TMOD1: variants seen among roughly 807,000 people sequenced by gnomAD.
TMOD1 encodes the protein tropomodulin 1, also known as tropomodulin-1.
TMOD1 carries 17 observed loss-of-function variants against 40.6 expected under a neutral mutation model. The ratio of observed to expected loss-of-function variants is 0.42; its 90% CI spans 0.29 to 0.63. The LOEUF is 0.63. Among genes scored for constraint, TMOD1 ranks in the 20% least tolerant of loss-of-function variants. The pLI, the probability that TMOD1 is intolerant of heterozygous loss-of-function variation, is 0.22. For synonymous variants in TMOD1, 181 were observed against 175.0 expected, an observed-to-expected ratio of 1.03 and a Z score of -0.27; for missense variants, 391 against 447.6, an observed-to-expected ratio of 0.87 and a Z score of 1.14.
At chr9:97,595,444 A>G (rs1826089973) in intron 9 of TMOD1, among the ~76,000 whole-genome samples, 1 of 151,798 alleles carries the variant, frequency 6.6e-6, no homozygotes, top group Non-Finnish European at 1.5e-5. Context: ...TTTAGATTCC[A>G]CATATAATTT....
At chr9:97,533,874 C>A (rs1018412395) in intron 2 of TMOD1, among the ~76,000 whole-genome samples, 3 of 152,174 alleles carry the variant, frequency 2.0e-5, no homozygotes, top group Admixed American at 6.5e-5. Flanking sequence ...AAGTAAAAGT[C>A]CACAGGTAGG....
At chr9:97,562,524 CA>C (rs1401714083) in intron 4 of TMOD1, among the ~76,000 whole-genome samples, 2 of 152,160 alleles carry the variant, frequency 1.3e-5, no homozygotes, top group Non-Finnish European at 2.9e-5. Flanking sequence ...AATCAGAGGC[CA>C]GGGGCAGAGC....
chr9:97,552,022 T>C (rs1830461781), intron 3 of TMOD1, among the ~76,000 whole-genome samples: 3 of 152,246 alleles, frequency 2.0e-5, no homozygotes, highest in Admixed American at 2.0e-4. Flanking sequence ...TTTTTGTATG[T>C]TGATCTTGTA....
In TMOD1 at chr9:97,530,634, C is replaced by T. The variant is rs1830082615; in HGVS notation, c.120+6326C>T. 2.0e-5 allele frequency among the ~76,000 whole-genome samples: 3 copies of T among 151,792 alleles called. No homozygotes were observed. The South Asian group carries it at 6.3e-4, about 32-fold the overall frequency. On this transcript the variant is annotated intron_variant, in intron 2 of 9. Transcript: ENST00000259365. ...TCCCGAGTAGCTGGGACTACAGGCG[C>T]CCGCCACCATGCCTGGCTAATTGTT...
chr9:97,575,713 G>T (rs1434173854), intron 8 of TMOD1, among the ~76,000 whole-genome samples: 1 of 152,142 alleles, frequency 6.6e-6, no homozygotes, highest in African/African-American at 2.4e-5. Flanking sequence ...TTCCTGTTGC[G>T]TCTGGCCAGA....
intron 1 of TMOD1, among the ~76,000 whole-genome samples, chr9:97,504,930 G>A (rs1364091514): frequency 1.3e-5 from 2 of 152,140 alleles, no homozygotes; most frequent in Non-Finnish European, 2.9e-5. Flanking sequence ...GGGCTGCTAG[G>A]AGCCATTATC....
intron 9 of TMOD1, among the ~76,000 whole-genome samples, chr9:97,597,071 T>C (rs1384451969): frequency 2.0e-5 from 3 of 152,228 alleles, no homozygotes; most frequent in African/African-American, 7.2e-5. Context: ...ATGATGGAAA[T>C]GTTCAAATTT....
At chr9:97,524,012 C>A in intron 1 of TMOD1, 129 bp from the exon 2 acceptor site, 2 of 602,890 alleles carry the variant, frequency 3.3e-6, no homozygotes, top group Non-Finnish European at 5.5e-6. Flanking sequence ...TGTAGTATTC[C>A]ACCATAGTAA....
At chr9:97,593,481 C>T (rs922695562) in intron 9 of TMOD1, among the ~76,000 whole-genome samples, 22 of 152,076 alleles carry the variant, frequency 1.4e-4, no homozygotes, top group African/African-American at 5.3e-4. Flanking sequence ...TAGGCAGCAG[C>T]TCAGTCAGGT....
chr9:97,517,507 G>A (rs557644847), intron 1 of TMOD1, among the ~76,000 whole-genome samples: 3 of 152,152 alleles, frequency 2.0e-5, no homozygotes, highest in Admixed American at 6.5e-5. Context: ...TGCCAAAGCC[G>A]GACACGCATG....
Position 97,557,437 on chromosome 9 carries a change from G to A in TMOD1, c.397+4037G>A, listed in dbSNP as rs141196315. The stretch of plus-strand genomic sequence containing the variant: ...GTAGGGAGACTCATCGTTTAGATGG[G>A]ACAGCCTCGGGCCACTCACCCCCAA... On this transcript the variant is annotated intron_variant, in intron 4 of 9. Coordinates refer to ENST00000259365, the MANE Select transcript of TMOD1 (RefSeq NM_003275.4). The surrounding 1 kb of genome is among the most constrained non-coding windows in gnomAD (Gnocchi z 4.4). Among the ~76,000 whole-genome samples, 3 of 152,278 alleles carry A rather than the reference G, an allele frequency of 2.0e-5. No homozygotes were observed. In the East Asian group the frequency reaches 5.8e-4, roughly 29 times the overall value.
At chr9:97,562,707 A>G in intron 4 of TMOD1, 25 bp from the exon 5 acceptor site, 1 of 1,509,216 alleles carries the variant, frequency 6.6e-7, no homozygotes, top group Non-Finnish European at 8.8e-7. Flanking sequence ...GAGGCACATC[A>G]TGAGCCCTTC....
At chr9:97,519,426 G>C (rs972927913) in intron 1 of TMOD1, among the ~76,000 whole-genome samples, 1 of 152,154 alleles carries the variant, frequency 6.6e-6, no homozygotes, top group Non-Finnish European at 1.5e-5. Flanking sequence ...ACTTGAGTTT[G>C]CGAAGGTGTT....
intron 2 of TMOD1, among the ~76,000 whole-genome samples, chr9:97,540,325 G>A (rs958553971): frequency 1.3e-5 from 2 of 152,238 alleles, no homozygotes; most frequent in Admixed American, 6.5e-5. Context: ...ACAGACAACA[G>A]CTTCTCTCTG....
At chr9:97,539,986 A>AAG (rs1554681483) in intron 2 of TMOD1, among the ~76,000 whole-genome samples, 1 of 151,330 alleles carries the variant, frequency 6.6e-6, no homozygotes, top group Non-Finnish European at 1.5e-5. Flanking sequence ...AAAAAAAAAA[A>AAG]AAAAGAAAAG....
chr9:97,599,616 A>C lies in TMOD1; in HGVS notation c.1016-18A>C. On this transcript the variant is annotated intron_variant, in intron 9 of 9. Coordinates refer to ENST00000259365, the MANE Select transcript of TMOD1 (RefSeq NM_003275.4). ...TACAGGGAAAAGTGCCTTATATCTTATCTCCATTCCTTTCCAGTGAGGAAG... is the reference window on the plus strand; with the variant it reads ...TACAGGGAAAAGTGCCTTATATCTTCTCTCCATTCCTTTCCAGTGAGGAAG... The C allele has an allele frequency of 6.2e-7, 1 of 1,614,124 alleles. No individual in the cohort carries two copies. Among genetic ancestry groups the C allele is most frequent in the Non-Finnish European group, 8.5e-7 (1 of 1,179,980 alleles).
chr9:97,529,980 A>C (rs1169184052), intron 2 of TMOD1, among the ~76,000 whole-genome samples: 3 of 152,200 alleles, frequency 2.0e-5, no homozygotes, highest in Non-Finnish European at 4.4e-5. Context: ...TTAGAGATAT[A>C]AAGTAACCTG....
chr9:97,586,669 T>C (rs1188085406), intron 8 of TMOD1, among the ~76,000 whole-genome samples: 1 of 152,172 alleles, frequency 6.6e-6, no homozygotes, highest in East Asian at 1.9e-4. Flanking sequence ...TCTGTGGGCG[T>C]AGGACCCTCC....
chr9:97,597,696 CAAA>C (rs56273168), intron 9 of TMOD1, among the ~76,000 whole-genome samples: 2 of 70,018 alleles, frequency 2.9e-5, no homozygotes, highest in Non-Finnish European at 4.9e-5. Context: ...GACTCCGTCT[CAAA>C]AAAAAAAAAA....
Sources: gnomAD v4.1 joint callset for allele counts (sites outside exome capture counted in the v4.1 genomes callset) on GRCh38, gnomAD v4.1.1 for gene constraint, Gnocchi (gnomAD v3.1) non-coding constraint, MANE v1.5 for transcripts, NCBI Gene and HGNC (gene_info 2026-07-23, HGNC 2026-07-21) for gene names.